FGF20: variants seen among roughly 807,000 people sequenced by gnomAD.
FGF20 encodes fibroblast growth factor 20.
A neutral mutation model predicts 16.7 loss-of-function variants in FGF20; 8 were observed. That is an observed-to-expected ratio of 0.48 (90% CI 0.28 to 0.87). The LOEUF (loss-of-function observed/expected upper bound fraction) is 0.87. Ranked by LOEUF, FGF20 falls within the 40% of genes least tolerant of loss-of-function variation. The pLI is 0.10. For synonymous variants in FGF20, 161 were observed against 118.6 expected, an observed-to-expected ratio of 1.36 and a Z score of -2.32; for missense variants, 397 against 281.4, an observed-to-expected ratio of 1.41 and a Z score of -2.94.
At chr8:17,001,615 A>T (rs759436624) in intron 1 of FGF20, 132 bp downstream of exon 1, 4 of 1,014,384 alleles carry the variant, frequency 3.9e-6, no homozygotes, top group Non-Finnish European at 3.9e-6. Flanking sequence ...CTTGCACCGG[A>T]TGGGTCCAGG....
chr8:16,995,754 G>C lies in FGF20; in HGVS notation c.291C>G (p.Ile97Met). 6.4e-7 allele frequency: 1 copy of C among 1,567,308 alleles called. No homozygotes were observed. Among genetic ancestry groups the C allele is most frequent in the Non-Finnish European group, 8.8e-7 (1 of 1,140,700 alleles). ...CCACTGCCACACTGATGAATTCCAA[G>C]ATACCTGCATATGTAAACAATTCAT... ...GTRQDHSLFG[I>M]LEFISVAVGL... Residue 97 changes from isoleucine to methionine, a missense_variant, in exon 2 of 3, where the codon ATC (isoleucine) becomes ATG (methionine). Coordinates refer to ENST00000180166, the MANE Select transcript of FGF20 (RefSeq NM_019851.3).
chr8:17,001,147 G>T (rs936680854), intron 1 of FGF20, among the ~76,000 whole-genome samples: 2 of 148,610 alleles, frequency 1.3e-5, no homozygotes, highest in African/African-American at 2.5e-5. Context: ...CCCACGGAAA[G>T]TTAATCTGCT....
At chr8:17,001,522 C>T (rs1352382381) in intron 1 of FGF20, among the ~76,000 whole-genome samples, 1 of 152,098 alleles carries the variant, frequency 6.6e-6, no homozygotes, top group Non-Finnish European at 1.5e-5. Flanking sequence ...GAGCTGCTGC[C>T]CTGCTAGAGG....
intron 1 of FGF20, 124 bp from the exon 2 acceptor site, chr8:16,995,882 G>A: frequency 1.8e-6 from 1 of 543,588 alleles, no homozygotes; most frequent in Non-Finnish European, 3.3e-6. Context: ...TGATGTACGT[G>A]TAAAAGTCCT....
In FGF20 at chr8:16,993,086, G is replaced by C; in HGVS notation, c.622C>G (p.Leu208Val). ...ACTATCGCACTTCAAGTGTACATCA[G>C]TAGGTCCTTGTACAATTCTGGAACT... ...ERVPELYKDL[L>V]MYT Residue 208 changes from leucine to valine, a missense_variant, in exon 3 of 3, where the codon CTG becomes GTG. Transcript: ENST00000180166. 1 of 1,614,014 alleles carries C rather than the reference G, an allele frequency of 6.2e-7. No individual in the cohort carries two copies. The highest frequency in any genetic ancestry group is 1.7e-5 in the Admixed American group (1 of 60,010).
At position 17,002,315 on chromosome 8, in the gene FGF20, C is replaced by T. The variant is rs1014124254; in HGVS notation, c.-283G>A. 4.9e-5 allele frequency: 18 copies of T among 368,404 alleles called. No individual in the cohort carries two copies. The highest frequency in any genetic ancestry group is 3.6e-4 in the African/African-American group (17 of 46,786). The allele number at this position is 368,404 out of a possible 1,614,324, so 22.8% of individuals were successfully genotyped here. On this transcript the variant is annotated 5_prime_UTR_variant, in exon 1 of 3. Transcript: ENST00000180166. ...CTAGGACTAGGGCTGTTGGCTGGGGCTCCAATTCCGCAAACTGATCAGATC... is the reference window on the plus strand; with the variant it reads ...CTAGGACTAGGGCTGTTGGCTGGGGTTCCAATTCCGCAAACTGATCAGATC...
chr8:17,000,794 G>A (rs1251483246), intron 1 of FGF20, among the ~76,000 whole-genome samples: 1 of 151,914 alleles, frequency 6.6e-6, no homozygotes, highest in Non-Finnish European at 1.5e-5. Context: ...TCCCGATCTA[G>A]TATCTTAACA....
chr8:16,995,833 C>A, intron 1 of FGF20, 75 bp from the exon 2 acceptor site: 1 of 804,126 alleles, frequency 1.2e-6, no homozygotes. Flanking sequence ...AAAAATCTTC[C>A]AAATAGTAGC....
At chr8:17,000,680 G>A (rs1451472553) in intron 1 of FGF20, among the ~76,000 whole-genome samples, 2 of 152,004 alleles carry the variant, frequency 1.3e-5, no homozygotes, top group Non-Finnish European at 2.9e-5. Context: ...TGGGATATTA[G>A]AACCGGAGAG....
Position 16,992,958 on chromosome 8 carries a change from T to C in FGF20, c.*114A>G. 7.5e-7 allele frequency: 1 copy of C among 1,327,948 alleles called. No individual in the cohort carries two copies. The highest frequency in any genetic ancestry group is 1.0e-6 in the Non-Finnish European group (1 of 974,820). 82.3% of individuals were successfully genotyped at this position (1,327,948 alleles called of 1,614,324 possible). On this transcript the variant is annotated 3_prime_UTR_variant, in exon 3 of 3. Transcript: ENST00000180166. ...ATTCTTTCCAAATCCAGTCTCTCAG[T>C]AGAAAATAGACTTTAATATTTTGAA... is the stretch of plus-strand genomic sequence containing the variant.
chr8:17,001,448 C>G (rs533949773), intron 1 of FGF20, among the ~76,000 whole-genome samples: 5 of 152,082 alleles, frequency 3.3e-5, no homozygotes, highest in African/African-American at 1.2e-4. Context: ...GTGGGAAGGG[C>G]AAGGGGAAGG....
intron 1 of FGF20, among the ~76,000 whole-genome samples, chr8:17,000,734 G>T (rs1330386479): frequency 1.3e-5 from 2 of 151,754 alleles, no homozygotes; most frequent in Non-Finnish European, 2.9e-5. Context: ...ACTGATGAAG[G>T]CACTTTCTAG....
chr8:16,994,332 G>C (rs1257389415), intron 2 of FGF20, among the ~76,000 whole-genome samples: 1 of 152,120 alleles, frequency 6.6e-6, no homozygotes, highest in African/African-American at 2.4e-5. Context: ...CTAACTGTTT[G>C]ATGATACATT....
intron 1 of FGF20, 62 bp downstream of exon 1, chr8:17,001,685 G>A (rs1810187191): frequency 6.7e-7 from 1 of 1,481,774 alleles, no homozygotes; most frequent in African/African-American, 1.4e-5. Flanking sequence ...AGGTGCAAGG[G>A]GAGGGAACGA....
At position 16,993,005 on chromosome 8, in the gene FGF20, T is replaced by C; in HGVS notation, c.*67A>G. On this transcript the variant is annotated 3_prime_UTR_variant, in exon 3 of 3. Coordinates refer to ENST00000180166, the MANE Select transcript of FGF20 (RefSeq NM_019851.3). The stretch of plus-strand genomic sequence containing the variant: ...TGAACGTCTCCTTGGGTCATTATTT[T>C]ATGATGGGAACTATGACAAGAAAGA... The C allele has an allele frequency of 1.3e-6, 2 of 1,532,778 alleles. No individual in the cohort carries two copies. Among genetic ancestry groups the C allele is most frequent in the Non-Finnish European group, 1.8e-6 (2 of 1,135,188 alleles). 94.9% of individuals were successfully genotyped at this position (1,532,778 alleles called of 1,614,324 possible).
rs1810199516 is a variant in FGF20, at chr8:17,001,968, C to T, written c.65G>A (p.Gly22Asp). 3 of 1,508,836 alleles carry T rather than the reference C, an allele frequency of 2.0e-6. No homozygotes were observed. Among genetic ancestry groups the T allele is most frequent in the East Asian group, 2.9e-5 (1 of 34,502 alleles). 93.5% of individuals were successfully genotyped at this position (1,508,836 alleles called of 1,614,324 possible). A position where few individuals can be genotyped will look rare whatever the true frequency, so the allele number is the denominator to read the frequency against. Residue 22 changes from glycine to aspartate, a missense_variant, in exon 1 of 3, where the codon GGT becomes GAT. Physicochemically the swap from Gly to Asp is moderately conservative, Grantham distance 94 (BLOSUM62 -1). Transcript: ENST00000180166. The part of the protein sequence containing the change: ...GGLEGLGQQV[G>D]SHFLLPPAGE... ...GGCAGGAGGCAACAGGAAATGCGAACCCACCTGCTGGCCCAAGCCCTCCAG... is the reference window on the plus strand; with the variant it reads ...GGCAGGAGGCAACAGGAAATGCGAATCCACCTGCTGGCCCAAGCCCTCCAG...
chr8:17,002,080 G>A lies in FGF20; in HGVS notation c.-48C>T. 2 of 1,481,104 alleles carry A rather than the reference G, an allele frequency of 1.4e-6. 1 individual carries two copies. Among genetic ancestry groups the A allele is most frequent in the South Asian group, 2.6e-5 (2 of 75,682 alleles). The allele number at this position is 1,481,104 out of a possible 1,614,324, so 91.7% of individuals were successfully genotyped here. A position where few individuals can be genotyped will look rare whatever the true frequency, so the allele number is the denominator to read the frequency against. ...AAAGACCCCCCCAGTAAAGAGTGTT[G>A]TGGGGGTGGGATGGAGGTGGATAGA... On this transcript the variant is annotated 5_prime_UTR_variant, in exon 1 of 3. Transcript: ENST00000180166.
chr8:17,001,423 T>G (rs1810178253), intron 1 of FGF20, among the ~76,000 whole-genome samples: 1 of 152,106 alleles, frequency 6.6e-6, no homozygotes, highest in Admixed American at 6.5e-5. Context: ...GCACCAGGTC[T>G]TGGTGTCCCC....
Position 17,002,229 on chromosome 8 carries a change from TTGG to T in FGF20, c.-200_-198del, listed in dbSNP as rs1563235625. On this transcript the variant is annotated 5_prime_UTR_variant, in exon 1 of 3. Coordinates refer to ENST00000180166, the MANE Select transcript of FGF20 (RefSeq NM_019851.3). ...ACTGTCTTGGAGCGATCTTCTCTCCTTGGGTAGGTGGGAGCCGGCTGCTGGCTC... is the reference window on the plus strand; with the variant it reads ...ACTGTCTTGGAGCGATCTTCTCTCCTGTAGGTGGGAGCCGGCTGCTGGCTC... 1 of 514,882 alleles carries T rather than the reference TTGG, an allele frequency of 1.9e-6. No homozygotes were observed. Among genetic ancestry groups the T allele is most frequent in the Non-Finnish European group, 3.2e-6 (1 of 312,644 alleles). The allele number at this position is 514,882 out of a possible 1,614,324, so 31.9% of individuals were successfully genotyped here.
Sources: allele counts gnomAD v4.1 joint callset (sites outside exome capture counted in the v4.1 genomes callset), GRCh38; gene constraint gnomAD v4.1.1; transcripts MANE v1.5; gene names NCBI Gene and HGNC (gene_info 2026-07-23, HGNC 2026-07-21).